The following TEX14 variants were observed in gnomAD, a reference collection of about 807,000 sequenced individuals.
TEX14 encodes testis expressed 14, intercellular bridge forming factor, also known as inactive serine/threonine-protein kinase TEX14.
In TEX14, 168 loss-of-function variants were observed where a neutral mutation model predicts 178.6. The observed-to-expected ratio is 0.94, with a 90% CI of 0.83 to 1.07. The LOEUF (loss-of-function observed/expected upper bound fraction) is 1.07, where lower values mean the gene tolerates loss of function less well. TEX14 is among the 50% of genes least tolerant of loss of function. The pLI, the probability that TEX14 is intolerant of heterozygous loss-of-function variation, is 0.00. For synonymous variants in TEX14, 626 were observed against 634.1 expected, an observed-to-expected ratio of 0.99 and a Z score of 0.19; for missense variants, 1,730 against 1,753.6, an observed-to-expected ratio of 0.99 and a Z score of 0.24.
At chr17:58,588,114 T>C in intron 15 of TEX14, 93 bp from the exon 16 acceptor site, 1 of 656,766 alleles carries the variant, frequency 1.5e-6, no homozygotes, top group Non-Finnish European at 2.8e-6. Context: ...TCTTGGGAGA[T>C]TTTCAGAGGT....
intron 1 of TEX14, among the ~76,000 whole-genome samples, chr17:58,658,693 TC>T (rs2047020268): frequency 6.6e-6 from 1 of 151,980 alleles, no homozygotes; most frequent in African/African-American, 2.4e-5. Context: ...CAGCAATTCA[TC>T]CCACCAGAAC....
At chr17:58,609,306 T>G (rs1231821638) in intron 10 of TEX14, among the ~76,000 whole-genome samples, 2 of 152,212 alleles carry the variant, frequency 1.3e-5, no homozygotes, top group East Asian at 3.9e-4. Flanking sequence ...AGACGGGGTT[T>G]CACCGTGTTA....
chr17:58,651,665 C>A (rs2046842193), intron 2 of TEX14, among the ~76,000 whole-genome samples: 2 of 152,098 alleles, frequency 1.3e-5, no homozygotes, highest in African/African-American at 4.8e-5. Context: ...TTCCCCAACA[C>A]AAAACAAAAC....
rs567909473 is a variant in TEX14 at position 58,630,513 on chromosome 17, G to A, written c.178C>T (p.Leu60Phe). Residue 60 changes from leucine to phenylalanine, a missense_variant, in exon 3 of 32, where the codon CTT (leucine) becomes TTT (phenylalanine). Transcript: ENST00000349033. ...DAVNSLGQTA[L>F]FVAALLGLRK... ...AGGCCCAATAACGCCGCAACAAAAA[G>A]TGCTGTTTGGCCCAAGGAGTTAACT... is the stretch of plus-strand genomic sequence containing the variant. 1.4e-5 allele frequency: 22 copies of A among 1,613,988 alleles called. No homozygotes were observed. Among genetic ancestry groups the A allele is most frequent in the South Asian group, 4.4e-5 (4 of 91,086 alleles).
chr17:58,561,723 T>C, intron 28 of TEX14, 111 bp from the exon 29 acceptor site: 1 of 702,862 alleles, frequency 1.4e-6, no homozygotes. Flanking sequence ...GTGCTTTCAC[T>C]ATATGTATGA....
intron 30 of TEX14, among the ~76,000 whole-genome samples, chr17:58,559,019 A>C (rs1158846322): frequency 6.6e-6 from 1 of 152,062 alleles, no homozygotes; most frequent in Non-Finnish European, 1.5e-5. Flanking sequence ...AAAATACAAA[A>C]ATTAGCTGGG....
intron 15 of TEX14, among the ~76,000 whole-genome samples, chr17:58,591,798 C>T (rs1187191523): frequency 3.3e-5 from 5 of 151,596 alleles, no homozygotes; most frequent in Non-Finnish European, 5.9e-5. Flanking sequence ...TGACTTACAC[C>T]TATAATCCCA....
chr17:58,615,003 G>A (rs560876502), intron 8 of TEX14, among the ~76,000 whole-genome samples: 1 of 152,340 alleles, frequency 6.6e-6, no homozygotes, highest in Non-Finnish European at 1.5e-5. Flanking sequence ...GCGGCTGACA[G>A]CTGACAGAGC....
intron 19 of TEX14, chr17:58,581,876 G>T: frequency 1.2e-6 from 1 of 845,952 alleles, no homozygotes; most frequent in Non-Finnish European, 1.8e-6. Flanking sequence ...ACCTCTTTGT[G>T]CATGTGCCTC....
At position 58,579,740 on chromosome 17, in the gene TEX14, GAACAA is replaced by G. The variant is rs1275999991; in HGVS notation, c.3172-14_3172-10del. 1.2e-6 allele frequency: 2 copies of G among 1,610,786 alleles called. No homozygotes were observed. Among genetic ancestry groups the G allele is most frequent in the Non-Finnish European group, 1.7e-6 (2 of 1,178,222 alleles). On this transcript the variant is annotated splice_polypyrimidine_tract_variant and intron_variant, in intron 19 of 31. Coordinates refer to ENST00000349033, the MANE Select transcript of TEX14 (RefSeq NM_031272.5). The stretch of plus-strand genomic sequence containing the variant: ...TCTATGGGACTCGAGGTCTAAAAAA[GAACAA>G]AAGAAAAGCAAAGAAAGGAGGTTCA...
intron 6 of TEX14, 59 bp from the exon 7 acceptor site, chr17:58,616,364 C>T: frequency 6.3e-7 from 1 of 1,578,474 alleles, no homozygotes; most frequent in Non-Finnish European, 8.6e-7. Flanking sequence ...AGAATACATC[C>T]AGAATCTTAT....
chr17:58,583,682 T>C (rs532748011), intron 19 of TEX14, among the ~76,000 whole-genome samples: 9 of 152,304 alleles, frequency 5.9e-5, no homozygotes, highest in African/African-American at 2.2e-4. Context: ...TCAAACTGAA[T>C]TCGTCCTGGC....
In TEX14 at chr17:58,588,013, C is replaced by A. The variant is rs1188011910; in HGVS notation, c.2585G>T (p.Arg862Ile). 2 of 1,129,092 alleles carry A rather than the reference C, an allele frequency of 1.8e-6. No homozygotes were observed. The highest frequency in any genetic ancestry group is 1.5e-5 in the African/African-American group (1 of 65,634). 69.9% of individuals were successfully genotyped at this position (1,129,092 alleles called of 1,614,324 possible). Residue 862 changes from arginine (R) to isoleucine (I), a missense_variant, in exon 16 of 32, where the codon AGA becomes ATA. Around this residue, in one of 2 missense-constraint regions of TEX14, gnomAD observed 941 missense variants for 1,072.4 expected, o/e 0.88. Coordinates refer to ENST00000349033, the MANE Select transcript of TEX14 (RefSeq NM_031272.5). ...GGCTTGGGCAGTGGACTCTCTAGGT[C>A]TTCCCTGGCTAAGAAATGAAAGGAC... ...SRIQNTSSQG[R>I]PRESTAQAKA...
chr17:58,675,802 T>C (rs1043385931), intron 1 of TEX14, among the ~76,000 whole-genome samples: 1 of 152,210 alleles, frequency 6.6e-6, no homozygotes, highest in African/African-American at 2.4e-5. Context: ...CCTTTAAACA[T>C]GTTTTTAATT....
chr17:58,687,184 C>T (rs1345685745), intron 1 of TEX14, among the ~76,000 whole-genome samples: 2 of 152,224 alleles, frequency 1.3e-5, no homozygotes, highest in African/African-American at 4.8e-5. Flanking sequence ...GGCAATCACT[C>T]CCTGGCACTG....
chr17:58,587,859 G>T, intron 16 of TEX14, 37 bp downstream of exon 16: 3 of 610,834 alleles, frequency 4.9e-6, no homozygotes, highest in Non-Finnish European at 8.0e-6. Flanking sequence ...CCCCACCCCC[G>T]CTCCACCACC....
chr17:58,595,182 T>C (rs919254181), intron 14 of TEX14, among the ~76,000 whole-genome samples: 1 of 152,192 alleles, frequency 6.6e-6, no homozygotes, highest in African/African-American at 2.4e-5. Context: ...AACGTTTTCA[T>C]TCAATATAAT....
chr17:58,652,326 A>C (rs1410274309), intron 1 of TEX14, among the ~76,000 whole-genome samples: 1 of 152,154 alleles, frequency 6.6e-6, no homozygotes, highest in Non-Finnish European at 1.5e-5. Flanking sequence ...CCACAACGTC[A>C]TGGGAGGGAC....
At chr17:58,645,694 A>G (rs2046690846) in intron 2 of TEX14, among the ~76,000 whole-genome samples, 1 of 152,072 alleles carries the variant, frequency 6.6e-6, no homozygotes, top group South Asian at 2.1e-4. Flanking sequence ...AGAAGGGGAG[A>G]AATGAACCTA....
Sources: gnomAD v4.1 joint callset for allele counts (sites outside exome capture counted in the v4.1 genomes callset) on GRCh38, gnomAD v4.1.1 for gene constraint, gnomAD v4.1.1 regional missense constraint, MANE v1.5 for transcripts, NCBI Gene and HGNC (gene_info 2026-07-23, HGNC 2026-07-21) for gene names.